Variants in MBD5 observed in about 807,000 individuals in gnomAD.
MBD5 encodes the protein methyl-CpG binding domain protein 5.
A neutral mutation model predicts 117.3 loss-of-function variants in MBD5; 13 were observed. The ratio of observed to expected loss-of-function variants is 0.11; its 90% CI spans 0.07 to 0.18. The LOEUF is 0.18. Among genes scored for constraint, MBD5 ranks in the 10% least tolerant of loss-of-function variants. The probability of loss-of-function intolerance (pLI) is 1.00; values close to 1 mark genes in which losing one functional copy is unlikely to be tolerated. For missense variants in MBD5, 1,879 were observed against 2,093.8 expected (o/e 0.90, Z 2.00); for synonymous variants, 727 against 766.4 (o/e 0.95, Z 0.85).
At chr2:148,096,556 G>C (rs4972323) in intron 1 of MBD5, among the ~76,000 whole-genome samples, 131,404 of 152,174 alleles carry the variant, frequency 0.86, 56,939 homozygotes, top group East Asian at 0.9. Flanking sequence ...GAACCTGGAT[G>C]TTCTGACACC....
chr2:148,032,437 CAAGT>C (rs1313011546), intron 1 of MBD5, among the ~76,000 whole-genome samples: 2 of 152,026 alleles, frequency 1.3e-5, no homozygotes, highest in South Asian at 2.1e-4. Context: ...GCTGAGATCT[CAAGT>C]AAGTTAATTT....
chr2:148,314,270 AT>A (rs972106714), intron 3 of MBD5, among the ~76,000 whole-genome samples: 130 of 148,694 alleles, frequency 8.7e-4, no homozygotes, highest in African/African-American at 2.7e-3. Flanking sequence ...GCAAAAGGAA[AT>A]TTTTTTTTTA....
intron 1 of MBD5, among the ~76,000 whole-genome samples, chr2:148,109,981 T>C (rs1261422603): frequency 1.3e-5 from 2 of 152,220 alleles, no homozygotes; most frequent in African/African-American, 2.4e-5. Context: ...GACCACATCA[T>C]ATTCTATTTC....
intron 3 of MBD5, among the ~76,000 whole-genome samples, chr2:148,314,188 C>T (rs183038374): frequency 9.2e-5 from 14 of 151,942 alleles, no homozygotes; most frequent in African/African-American, 3.4e-4. Context: ...TGTCATAGAT[C>T]AGCATTTTAT....
At chr2:148,149,043 A>G (rs914048838) in intron 1 of MBD5, among the ~76,000 whole-genome samples, 7 of 151,966 alleles carry the variant, frequency 4.6e-5, no homozygotes, top group Non-Finnish European at 7.4e-5. Context: ...CACCCACTAA[A>G]TCGTCATCTA....
intron 4 of MBD5, among the ~76,000 whole-genome samples, chr2:148,423,764 T>G (rs1364227267): frequency 6.6e-6 from 1 of 152,118 alleles, no homozygotes; most frequent in East Asian, 1.9e-4. Flanking sequence ...GCAAATTGGA[T>G]GAAGAGTCAA....
At chr2:148,369,880 A>C (rs1487839933) in intron 4 of MBD5, among the ~76,000 whole-genome samples, 2 of 152,152 alleles carry the variant, frequency 1.3e-5, no homozygotes, top group African/African-American at 2.4e-5. Context: ...AAGTGAATGC[A>C]CTTAGGGGAT....
chr2:148,362,191 C>G (rs1192301794), intron 4 of MBD5, among the ~76,000 whole-genome samples: 3 of 152,208 alleles, frequency 2.0e-5, no homozygotes, highest in African/African-American at 7.2e-5. Context: ...TGGTCTAGCT[C>G]AGCGGATCCC....
At chr2:148,093,111 A>G (rs1287184979) in intron 1 of MBD5, among the ~76,000 whole-genome samples, 3 of 152,098 alleles carry the variant, frequency 2.0e-5, no homozygotes, top group African/African-American at 7.2e-5. Context: ...GGGTTTCACC[A>G]TGTTGGTCAG....
At chr2:148,338,607 T>A (rs1056800387) in intron 3 of MBD5, among the ~76,000 whole-genome samples, 1 of 152,106 alleles carries the variant, frequency 6.6e-6, no homozygotes, top group East Asian at 1.9e-4. Flanking sequence ...TCAGCTAACT[T>A]GAAAGATAAG....
intron 4 of MBD5, among the ~76,000 whole-genome samples, chr2:148,343,341 A>T (rs981915357): frequency 7.2e-5 from 11 of 152,114 alleles, no homozygotes; most frequent in African/African-American, 2.4e-4. Flanking sequence ...TTCTTTAAGA[A>T]ATCTCCAAAC....
At chr2:148,184,847 A>G (rs927625907) in intron 2 of MBD5, among the ~76,000 whole-genome samples, 7 of 152,144 alleles carry the variant, frequency 4.6e-5, no homozygotes, top group African/African-American at 1.7e-4. Flanking sequence ...TACTTGAGAA[A>G]TCAGTTTATC....
chr2:148,154,633 G>T (rs1202800047), intron 1 of MBD5, among the ~76,000 whole-genome samples: 2 of 152,216 alleles, frequency 1.3e-5, no homozygotes, highest in Admixed American at 1.3e-4. Flanking sequence ...ATAATCTCAT[G>T]GTGTGCCTTT....
At chr2:148,131,459 C>T (rs1164308395) in intron 1 of MBD5, among the ~76,000 whole-genome samples, 3 of 151,908 alleles carry the variant, frequency 2.0e-5, no homozygotes, top group East Asian at 3.9e-4. Flanking sequence ...TTTGGGGGGC[C>T]GAGGTAGGAG....
intron 4 of MBD5, among the ~76,000 whole-genome samples, chr2:148,436,722 A>T (rs1706167143): frequency 6.6e-6 from 1 of 152,116 alleles, no homozygotes. Flanking sequence ...GACCAGAAAG[A>T]GTATCCAGTT....
chr2:148,081,697 G>C (rs531787789), intron 1 of MBD5, among the ~76,000 whole-genome samples: 1 of 152,162 alleles, frequency 6.6e-6, no homozygotes, highest in South Asian at 2.1e-4. Context: ...CTGTGTTGCC[G>C]CAGAACCCAT....
chr2:148,059,006 C>T (rs1043523745), intron 1 of MBD5, among the ~76,000 whole-genome samples: 1 of 152,108 alleles, frequency 6.6e-6, no homozygotes, highest in African/African-American at 2.4e-5. Context: ...CAATGAAAAG[C>T]TTGCACATAG....
intron 10 of MBD5, 45 bp downstream of exon 10, chr2:148,485,995 GT>G (rs1681328956): frequency 6.3e-7 from 1 of 1,582,228 alleles, no homozygotes. Flanking sequence ...CAATGTCTGA[GT>G]TTGTTTAAAT....
rs1696368897 is a variant in MBD5, at chr2:148,106,180, T to C, written c.-924-72520T>C. Among the ~76,000 whole-genome samples the C allele has an allele frequency of 2.6e-5, 4 of 152,060 alleles. No homozygotes were observed. The South Asian group carries it at 6.2e-4, about 24-fold the overall frequency. ...ATTGTTGTTCAGATCTTCTGTATTA[T>C]GGAATTGTCTTCTTTACCTTTCAAT... On this transcript the variant is annotated intron_variant, in intron 1 of 13. Coordinates refer to ENST00000642680, the MANE Select transcript of MBD5 (RefSeq NM_001378120.1).
Sources: gnomAD v4.1 joint callset for allele counts (sites outside exome capture counted in the v4.1 genomes callset) on GRCh38, gnomAD v4.1.1 for gene constraint, MANE v1.5 for transcripts, NCBI Gene and HGNC (gene_info 2026-07-23, HGNC 2026-07-21) for gene names.